The following FOXN3 variants were observed in gnomAD, a reference collection of about 807,000 sequenced individuals.
FOXN3 encodes forkhead box protein N3.
A neutral mutation model predicts 38.4 loss-of-function variants in FOXN3; 7 were observed. The ratio of observed to expected loss-of-function variants is 0.18; its 90% confidence interval spans 0.10 to 0.34. The LOEUF is 0.34. Ranked by LOEUF, FOXN3 falls within the 10% of genes least tolerant of loss-of-function variation. The pLI is 1.00. For synonymous variants in FOXN3, 230 were observed against 242.2 expected (o/e 0.95, Z 0.47); for missense variants, 456 against 613.4 (o/e 0.74, Z 2.71).
intron 1 of FOXN3, among the ~76,000 whole-genome samples, chr14:89,553,857 A>T (rs988943558): frequency 2.0e-5 from 3 of 152,220 alleles, no homozygotes; most frequent in African/African-American, 7.2e-5. Context: ...GAGTCAACAC[A>T]GGTTAGTTTT....
At position 89,357,040 on chromosome 14, in the gene FOXN3, G is replaced by A. The variant is rs562626760; in HGVS notation, c.544-6232C>T. ...TTCAGGTGGGCAGCAATGAGACGGAGAAAGGAGGACAGCTCCCGAATGTAC... is the reference window on the plus strand; with the variant it reads ...TTCAGGTGGGCAGCAATGAGACGGAAAAAGGAGGACAGCTCCCGAATGTAC... On this transcript the variant is annotated intron_variant, in intron 2 of 5. Transcript: ENST00000557258. Among the ~76,000 whole-genome samples the A allele has an allele frequency of 2.6e-5, 4 of 152,246 alleles. No homozygotes were observed. The South Asian group carries it at 8.3e-4, about 32-fold the overall frequency.
At chr14:89,200,316 T>C (rs1224372540) in intron 4 of FOXN3, among the ~76,000 whole-genome samples, 2 of 152,244 alleles carry the variant, frequency 1.3e-5, no homozygotes, top group Admixed American at 6.5e-5. Context: ...GGCATCTTTC[T>C]AACTCGTGTA....
intron 3 of FOXN3, among the ~76,000 whole-genome samples, chr14:89,330,306 C>CG (rs1443776388): frequency 2.0e-5 from 3 of 152,228 alleles, no homozygotes; most frequent in Non-Finnish European, 4.4e-5. Context: ...ACAGCTTGTA[C>CG]GGGCAGAAAT....
chr14:89,478,626 A>G (rs1893258778), intron 1 of FOXN3, among the ~76,000 whole-genome samples: 1 of 152,148 alleles, frequency 6.6e-6, no homozygotes, highest in Non-Finnish European at 1.5e-5. Context: ...TAAGAGAATG[A>G]TTTTATTTAA....
At chr14:89,186,395 T>A (rs919000943) in intron 4 of FOXN3, among the ~76,000 whole-genome samples, 1 of 152,038 alleles carries the variant, frequency 6.6e-6, no homozygotes. Flanking sequence ...CCTTTGAAGA[T>A]GAGTAATGGA....
intron 3 of FOXN3, among the ~76,000 whole-genome samples, chr14:89,314,903 G>C (rs10134863): frequency 0.67 from 102,201 of 151,928 alleles, 34,545 homozygotes; most frequent in East Asian, 0.72. Context: ...CTTAATCTGA[G>C]ACACTCTCAT....
chr14:89,190,410 T>C (rs1887912464), intron 4 of FOXN3: 2 of 1,613,812 alleles, frequency 1.2e-6, no homozygotes, highest in Admixed American at 1.7e-5. Context: ...AGGGGGAGTA[T>C]TCAAAAGCAT....
chr14:89,206,009 TG>T (rs1212577930), intron 4 of FOXN3, among the ~76,000 whole-genome samples: 2 of 152,158 alleles, frequency 1.3e-5, no homozygotes, highest in Non-Finnish European at 2.9e-5. Context: ...CCCTCCACTA[TG>T]GGAGGACACA....
intron 3 of FOXN3, among the ~76,000 whole-genome samples, chr14:89,293,297 GTTT>G (rs1886932817): frequency 2.0e-5 from 3 of 152,184 alleles, no homozygotes; most frequent in Non-Finnish European, 4.4e-5. Flanking sequence ...GCTGCCCAGG[GTTT>G]ATCAGTGTCT....
intron 1 of FOXN3, among the ~76,000 whole-genome samples, chr14:89,467,033 T>C (rs1397936428): frequency 1.3e-5 from 2 of 152,186 alleles, no homozygotes; most frequent in Admixed American, 6.5e-5. Flanking sequence ...GACCTACCAC[T>C]GTTGGGCGAT....
intron 4 of FOXN3, among the ~76,000 whole-genome samples, chr14:89,258,558 G>A (rs1885698153): frequency 6.6e-6 from 1 of 152,144 alleles, no homozygotes; most frequent in Non-Finnish European, 1.5e-5. Context: ...ATACCACCTG[G>A]ACCACCTACA....
At chr14:89,232,014 GCTAAGCCCCAAGAATA>G (rs1347655186) in intron 4 of FOXN3, among the ~76,000 whole-genome samples, 1 of 152,226 alleles carries the variant, frequency 6.6e-6, no homozygotes, top group East Asian at 1.9e-4. Context: ...AAGGCGTGGA[GCTAAGCCCCAAGAATA>G]CTATCTGCCT....
At chr14:89,553,880 T>C (rs553239031) in intron 1 of FOXN3, among the ~76,000 whole-genome samples, 22 of 152,116 alleles carry the variant, frequency 1.4e-4, no homozygotes, top group Non-Finnish European at 2.9e-4. Context: ...AGAGCCTAAA[T>C]AGTAAAAGGA....
At chr14:89,596,781 T>C (rs1422973777) in intron 1 of FOXN3, among the ~76,000 whole-genome samples, 1 of 152,218 alleles carries the variant, frequency 6.6e-6, no homozygotes, top group Non-Finnish European at 1.5e-5. Context: ...GTCCATTTCC[T>C]CTAAAATGTC....
chr14:89,463,574 T>G (rs1387317149), intron 1 of FOXN3, among the ~76,000 whole-genome samples: 1 of 152,116 alleles, frequency 6.6e-6, no homozygotes, highest in Non-Finnish European at 1.5e-5. Context: ...CCACAGCATT[T>G]GGTTCTTCTA....
intron 2 of FOXN3, among the ~76,000 whole-genome samples, chr14:89,396,327 C>T (rs950215074): frequency 2.0e-5 from 3 of 152,232 alleles, no homozygotes; most frequent in Non-Finnish European, 4.4e-5. Flanking sequence ...AAGCAATGCA[C>T]TGATGCAGAG....
intron 1 of FOXN3, among the ~76,000 whole-genome samples, chr14:89,591,205 T>C (rs1403226191): frequency 1.3e-5 from 2 of 152,186 alleles, no homozygotes; most frequent in African/African-American, 4.8e-5. Flanking sequence ...ACTGAAAAGT[T>C]TGATCTTCAT....
At chr14:89,190,235 T>C (rs1327807450) in intron 4 of FOXN3, 6 of 577,186 alleles carry the variant, frequency 1.0e-5, no homozygotes, top group Non-Finnish European at 1.8e-5. Context: ...TATATGCATA[T>C]GCATGTAATC....
At chr14:89,239,878 G>A (rs1359131031) in intron 4 of FOXN3, among the ~76,000 whole-genome samples, 1 of 152,196 alleles carries the variant, frequency 6.6e-6, no homozygotes, top group Non-Finnish European at 1.5e-5. Flanking sequence ...CTGAGACCCA[G>A]AGAAGGTCAC....
Sources: allele counts gnomAD v4.1 joint callset (sites outside exome capture counted in the v4.1 genomes callset), GRCh38; gene constraint gnomAD v4.1.1; transcripts MANE v1.5; gene names NCBI Gene and HGNC (gene_info 2026-07-23, HGNC 2026-07-21).